The following PTPRD variants were observed in gnomAD, a reference collection of about 807,000 sequenced individuals.
PTPRD encodes receptor-type tyrosine-protein phosphatase delta.
Under a neutral mutation model 214.5 loss-of-function variants are expected in PTPRD, and 34 were observed. The observed-to-expected ratio is 0.16, with a 90% confidence interval of 0.12 to 0.21. The LOEUF (loss-of-function observed/expected upper bound fraction) is 0.21, where lower values mean the gene tolerates loss of function less well. Ranked by LOEUF, PTPRD falls within the 10% of genes least tolerant of loss-of-function variation. The pLI, the probability that PTPRD is intolerant of heterozygous loss-of-function variation, is 1.00. For synonymous variants in PTPRD, 1,128 were observed against 845.7 expected, an observed-to-expected ratio of 1.33 and a Z score of -5.79; for missense variants, 2,545 against 2,398.7, an observed-to-expected ratio of 1.06 and a Z score of -1.27.
chr9:8,910,141 C>A (rs77332088), intron 11 of PTPRD, among the ~76,000 whole-genome samples: 1 of 152,002 alleles, frequency 6.6e-6, no homozygotes, highest in Non-Finnish European at 1.5e-5. Context: ...CAGGTTCACA[C>A]CCTTCTCCTG....
chr9:9,089,894 A>G (rs1318943296), intron 10 of PTPRD, among the ~76,000 whole-genome samples: 1 of 152,182 alleles, frequency 6.6e-6, no homozygotes, highest in Non-Finnish European at 1.5e-5. Context: ...TGAAAAATGA[A>G]AAGAGACAAG....
chr9:8,451,013 T>C (rs1309053125), intron 33 of PTPRD, among the ~76,000 whole-genome samples: 1 of 152,162 alleles, frequency 6.6e-6, no homozygotes, highest in Non-Finnish European at 1.5e-5. Context: ...AGCTCATTAG[T>C]GTTGCTGTGG....
At chr9:8,557,760 A>AC (rs1564327641) in intron 14 of PTPRD, among the ~76,000 whole-genome samples, 1 of 121,072 alleles carries the variant, frequency 8.3e-6, no homozygotes, top group African/African-American at 5.6e-5. Context: ...AAAAAAAAAA[A>AC]AAAAAAAGAA....
intron 2 of PTPRD, among the ~76,000 whole-genome samples, chr9:10,560,286 T>G (rs1182240392): frequency 6.6e-6 from 1 of 152,124 alleles, no homozygotes; most frequent in Non-Finnish European, 1.5e-5. Flanking sequence ...GAAATCATCA[T>G]TCTCAGTAAA....
At chr9:10,309,749 T>A (rs572849966) in intron 3 of PTPRD, among the ~76,000 whole-genome samples, 175 of 152,072 alleles carry the variant, frequency 1.2e-3, no homozygotes, top group African/African-American at 4.1e-3. Flanking sequence ...AATATAGATA[T>A]ATACATATGT....
chr9:9,972,492 A>G (rs1341231587), intron 4 of PTPRD, among the ~76,000 whole-genome samples: 1 of 152,140 alleles, frequency 6.6e-6, no homozygotes, highest in Non-Finnish European at 1.5e-5. Context: ...CTCCCTTCAT[A>G]TTATAGAAAT....
chr9:8,522,564 C>A (rs1362009133), intron 19 of PTPRD, among the ~76,000 whole-genome samples: 1 of 152,154 alleles, frequency 6.6e-6, no homozygotes, highest in East Asian at 1.9e-4. Context: ...GACACTGGAT[C>A]TAAAACATAC....
intron 3 of PTPRD, among the ~76,000 whole-genome samples, chr9:10,301,488 T>C (rs1285730212): frequency 6.6e-6 from 1 of 152,188 alleles, no homozygotes; most frequent in African/African-American, 2.4e-5. Flanking sequence ...AAGAGGCATG[T>C]TCTAACCCTT....
chr9:8,833,563 C>T (rs1214911642), intron 11 of PTPRD, among the ~76,000 whole-genome samples: 1 of 150,086 alleles, frequency 6.7e-6, no homozygotes, highest in Non-Finnish European at 1.5e-5. Context: ...CTTGTTAGGG[C>T]TGGATCTATG....
chr9:9,067,870 A>G (rs2099737391), intron 10 of PTPRD, among the ~76,000 whole-genome samples: 1 of 152,010 alleles, frequency 6.6e-6, no homozygotes, highest in South Asian at 2.1e-4. Flanking sequence ...GTTCTATGCA[A>G]TTTTATCACA....
At chr9:9,651,241 CT>C (rs961147594) in intron 7 of PTPRD, among the ~76,000 whole-genome samples, 4 of 151,822 alleles carry the variant, frequency 2.6e-5, no homozygotes, top group African/African-American at 9.7e-5. Flanking sequence ...CCAATAACAT[CT>C]TTTTTTTAAA....
intron 3 of PTPRD, among the ~76,000 whole-genome samples, chr9:10,262,664 G>A (rs879749002): frequency 9.9e-5 from 15 of 152,188 alleles, no homozygotes; most frequent in Middle Eastern, 3.2e-3. Context: ...CCAGCTATAT[G>A]AGCATGAATA....
At chr9:8,772,759 G>A (rs1011666779) in intron 11 of PTPRD, among the ~76,000 whole-genome samples, 4 of 151,848 alleles carry the variant, frequency 2.6e-5, no homozygotes, top group African/African-American at 9.7e-5. Context: ...TTTCTCATGA[G>A]TATAACTTTT....
chr9:8,704,145 C>T (rs934285981), intron 12 of PTPRD, among the ~76,000 whole-genome samples: 1 of 152,156 alleles, frequency 6.6e-6, no homozygotes, highest in Non-Finnish European at 1.5e-5. Context: ...ACCTGATCAA[C>T]CACTCTTCCC....
chr9:9,819,573 G>A (rs1054274642), intron 5 of PTPRD, among the ~76,000 whole-genome samples: 31 of 152,072 alleles, frequency 2.0e-4, no homozygotes, highest in Non-Finnish European at 3.8e-4. Context: ...TGTACGTTGT[G>A]TGATGCTGAG....
intron 14 of PTPRD, among the ~76,000 whole-genome samples, chr9:8,588,134 G>A (rs976379388): frequency 7.2e-5 from 11 of 152,162 alleles, no homozygotes; most frequent in East Asian, 1.9e-4. Flanking sequence ...CCATGAGAGC[G>A]AAAGCCAGCA....
At chr9:10,379,349 A>G (rs1407923) in intron 2 of PTPRD, among the ~76,000 whole-genome samples, 1 of 151,486 alleles carries the variant, frequency 6.6e-6, no homozygotes, top group East Asian at 2.0e-4. Flanking sequence ...ATTTAGATGA[A>G]CTTTATTTCT....
intron 10 of PTPRD, among the ~76,000 whole-genome samples, chr9:9,078,095 T>C (rs2099753808): frequency 6.6e-6 from 1 of 152,072 alleles, no homozygotes; most frequent in Non-Finnish European, 1.5e-5. Flanking sequence ...TCATATAACA[T>C]TTGAGTCCTT....
At chr9:9,478,583 C>G (rs773305318) in intron 8 of PTPRD, among the ~76,000 whole-genome samples, 1 of 152,278 alleles carries the variant, frequency 6.6e-6, no homozygotes, top group South Asian at 2.1e-4. Flanking sequence ...ACATTTAGAT[C>G]TAACCATTTA....
Sources: allele counts gnomAD v4.1 joint callset (sites outside exome capture counted in the v4.1 genomes callset), GRCh38; gene constraint gnomAD v4.1.1; transcripts MANE v1.5; gene names NCBI Gene and HGNC (gene_info 2026-07-23, HGNC 2026-07-21).